Variants in CSF2RB observed in about 807,000 individuals in gnomAD.
The protein encoded by CSF2RB is cytokine receptor common subunit beta.
CSF2RB carries 22 observed loss-of-function variants against 67.2 expected under a neutral mutation model. That is an observed-to-expected ratio of 0.33 (90% confidence interval 0.23 to 0.47). The LOEUF (loss-of-function observed/expected upper bound fraction) is 0.47, where lower values mean the gene tolerates loss of function less well. Ranked by LOEUF, CSF2RB falls within the 20% of genes least tolerant of loss-of-function variation. The pLI is 1.00. For missense variants in CSF2RB, 1,113 were observed against 1,174.5 expected (o/e 0.95, Z 0.76); for synonymous variants, 507 against 482.9 (o/e 1.05, Z -0.65).
Position 36,935,606 on chromosome 22 carries a change from T to C in CSF2RB, c.1407-24T>C, listed in dbSNP as rs201502678. ...AGCTGGCCATGAGGTCTCTGATGGC[T>C]GTCACCTCCGTGGTGTCTTCCAGGC... On this transcript the variant is annotated intron_variant, in intron 11 of 13. Coordinates refer to ENST00000403662, the MANE Select transcript of CSF2RB (RefSeq NM_000395.3). The C allele has an allele frequency of 2.5e-6, 4 of 1,614,116 alleles. No homozygotes were observed. In the East Asian group the frequency reaches 6.7e-5, roughly 27 times the overall value.
intron 10 of CSF2RB, 70 bp downstream of exon 10, chr22:36,934,064 C>G: frequency 6.3e-7 from 1 of 1,584,356 alleles, no homozygotes; most frequent in East Asian, 2.3e-5. Flanking sequence ...CAGAAAATCC[C>G]CAATGCAGCA....
At position 36,938,157 on chromosome 22, in the gene CSF2RB, T is replaced by A. The variant is rs758860799; in HGVS notation, c.2349T>A (p.Asn783Lys). 11 of 1,613,800 alleles carry A rather than the reference T, an allele frequency of 6.8e-6. No individual in the cohort carries two copies. The East Asian group carries it at 2.5e-4, about 36-fold the overall frequency. Reference sequence around the variant, plus strand: ...GGTCCCCCAGGTCACCAAGGAACAATCCTGTCCCCCCTGAGGCCAAAAGCC... The same window carrying A: ...GGTCCCCCAGGTCACCAAGGAACAAACCTGTCCCCCCTGAGGCCAAAAGCC... ...EGRSPRSPRN[N>K]PVPPEAKSPV... Residue 783 changes from asparagine (N) to lysine (K), a missense_variant, in exon 14 of 14, where the codon AAT becomes AAA. By Grantham distance (94) the Asn-to-Lys change is moderately conservative. Around this residue, in one of 2 missense-constraint regions of CSF2RB, gnomAD observed 554 missense variants for 517.9 expected, o/e 1.07. Coordinates refer to ENST00000403662, the MANE Select transcript of CSF2RB (RefSeq NM_000395.3).
intron 12 of CSF2RB, 55 bp downstream of exon 12, chr22:36,935,742 G>T: frequency 6.4e-7 from 1 of 1,566,576 alleles, no homozygotes; most frequent in Non-Finnish European, 8.7e-7. Flanking sequence ...TGCCTCTCTT[G>T]TCTCTGTCCC....
At chr22:36,928,148 G>A (rs75793129) in intron 4 of CSF2RB, among the ~76,000 whole-genome samples, 70 of 152,290 alleles carry the variant, frequency 4.6e-4, no homozygotes, top group African/African-American at 1.7e-3. Flanking sequence ...GAGGTACTGG[G>A]CAGGCGACAG....
In CSF2RB at chr22:36,939,451, C is replaced by T. The variant is rs537419368; in HGVS notation, c.*949C>T. On this transcript the variant is annotated 3_prime_UTR_variant, in exon 14 of 14. Transcript: ENST00000403662. ...TTCCAGATAGACCAGGCAACTCTCC[C>T]TCCCACCGGCCACAGATGAGGGGCT... 1.6e-5 allele frequency: 9 copies of T among 559,086 alleles called. No individual in the cohort carries two copies. The Admixed American group carries it at 2.4e-4, about 15-fold the overall frequency. The allele number at this position is 559,086 out of a possible 1,614,324, so 34.6% of individuals were successfully genotyped here.
In CSF2RB at chr22:36,930,422, G is replaced by A. The variant is rs551025109; in HGVS notation, c.766G>A (p.Ala256Thr). 6.8e-6 allele frequency: 11 copies of A among 1,613,666 alleles called. No homozygotes were observed. The highest frequency in any genetic ancestry group is 4.5e-5 in the East Asian group (2 of 44,880). Residue 256 changes from alanine (A) to threonine (T), a missense_variant, in exon 7 of 14, where the codon GCC becomes ACC. Ala to Thr is a moderately conservative substitution (Grantham distance 58). Coordinates refer to ENST00000403662, the MANE Select transcript of CSF2RB (RefSeq NM_000395.3). ...QNLECFFDGA[A>T]VLSCSWEVRK... ...CCTGGAGTGCTTCTTTGACGGGGCCGCCGTGCTCAGCTGCTCCTGGGAGGT... is the reference window on the plus strand; with the variant it reads ...CCTGGAGTGCTTCTTTGACGGGGCCACCGTGCTCAGCTGCTCCTGGGAGGT...
At chr22:36,919,398 ATTG>A (rs942429591) in intron 1 of CSF2RB, among the ~76,000 whole-genome samples, 4 of 151,192 alleles carry the variant, frequency 2.6e-5, no homozygotes, top group African/African-American at 7.3e-5. Flanking sequence ...CCCACTATTG[ATTG>A]TTGTTGTTTT....
At position 36,926,032 on chromosome 22, in the gene CSF2RB, C is replaced by T. The variant is rs200960215; in HGVS notation, c.246C>T (p.Pro82=). 7.4e-6 allele frequency: 12 copies of T among 1,614,092 alleles called. No individual in the cohort carries two copies. The highest frequency in any genetic ancestry group is 4.0e-5 in the African/African-American group (3 of 74,930). The change falls in exon 4 of 14, where the codon CCC becomes CCT. Residue 82 remains proline, a synonymous_variant. Transcript: ENST00000403662. ...PVSCDLSDDM[P]WSACPHPRCV... ...CCTGTGACCTCAGTGATGACATGCCCTGGTCAGCCTGCCCCCATCCCCGCT... is the reference window on the plus strand; with the variant it reads ...CCTGTGACCTCAGTGATGACATGCCTTGGTCAGCCTGCCCCCATCCCCGCT...
chr22:36,922,525 G>A (rs184825297), intron 2 of CSF2RB: 27 of 591,470 alleles, frequency 4.6e-5, no homozygotes, highest in African/African-American at 2.0e-4. Context: ...TTCTCAGGGC[G>A]GCACTCCCGG....
chr22:36,935,395 A>G lies in CSF2RB; in HGVS notation c.1360A>G (p.Ile454Val). The change falls in exon 11 of 14, where the codon ATC becomes GTC. Residue 454 changes from isoleucine to valine, a missense_variant. Transcript: ENST00000403662. ...VLALIVIFLT[I>V]AVLLALRFCG... ...GGCCCTCATCGTGATCTTCCTCACC[A>G]TCGCTGTGCTCCTGGCCCTCCGCTT... is the stretch of plus-strand genomic sequence containing the variant. 1 of 1,614,122 alleles carries G rather than the reference A, an allele frequency of 6.2e-7. No homozygotes were observed. Among genetic ancestry groups the G allele is most frequent in the Non-Finnish European group, 8.5e-7 (1 of 1,180,016 alleles).
At chr22:36,924,464 T>A (rs1029501176) in intron 3 of CSF2RB, among the ~76,000 whole-genome samples, 1 of 152,018 alleles carries the variant, frequency 6.6e-6, no homozygotes, top group Non-Finnish European at 1.5e-5. Flanking sequence ...CAACCCCCTC[T>A]CAGATGCCCA....
At chr22:36,930,612 A>G (rs1038250280) in intron 7 of CSF2RB, 61 bp from the exon 8 acceptor site, 3 of 1,610,896 alleles carry the variant, frequency 1.9e-6, no homozygotes, top group Non-Finnish European at 2.5e-6. Flanking sequence ...GCCCACCCTA[A>G]GCTCTCCTCC....
intron 2 of CSF2RB, 139 bp from the exon 3 acceptor site, chr22:36,923,105 A>G (rs1225444410): frequency 5.6e-6 from 7 of 1,253,728 alleles, no homozygotes; most frequent in East Asian, 2.3e-5. Context: ...ACACATGTAC[A>G]TGTGCCTGGC....
chr22:36,913,776 G>T (rs535236300), intron 1 of CSF2RB, 99 bp downstream of exon 1: 199 of 153,252 alleles, frequency 1.3e-3, no homozygotes, highest in Non-Finnish European at 1.6e-3. Context: ...AGCCTGGGGG[G>T]CGTCCTGTGG....
At chr22:36,923,602 ACAATGGTGGTGGTGG>A (rs1487912236) in intron 3 of CSF2RB, among the ~76,000 whole-genome samples, 5 of 152,224 alleles carry the variant, frequency 3.3e-5, no homozygotes, top group Non-Finnish European at 7.3e-5. Context: ...GATGTTGGTG[ACAATGGTGGTGGTGG>A]CAATGGTGAA....
At chr22:36,928,135 T>C (rs1464724221) in intron 4 of CSF2RB, among the ~76,000 whole-genome samples, 1 of 152,128 alleles carries the variant, frequency 6.6e-6, no homozygotes, top group Admixed American at 6.5e-5. Context: ...TCAAGGATGC[T>C]GGGAGGTACT....
intron 10 of CSF2RB, among the ~76,000 whole-genome samples, chr22:36,935,064 A>G (rs1941238493): frequency 1.3e-5 from 2 of 152,128 alleles, no homozygotes; most frequent in Admixed American, 1.3e-4. Context: ...ATTGCCATGA[A>G]CAGTGGTTCT....
rs561632947 is a variant in CSF2RB at position 36,932,982 on chromosome 22, G to A, written c.1152+78G>A. 3,520 of 1,575,286 alleles carry A rather than the reference G, an allele frequency of 2.2e-3. 6 individuals carry two copies. Among genetic ancestry groups the A allele is most frequent in the Non-Finnish European group, 2.8e-3 (3,292 of 1,156,488 alleles). On this transcript the variant is annotated intron_variant, in intron 9 of 13. Transcript: ENST00000403662. ...GAAAGCAACCAGAGGCATTCCACCT[G>A]CAAGGCGTCGGGCCCTTGGCAGGTG...
intron 6 of CSF2RB, among the ~76,000 whole-genome samples, 165 bp from the exon 7 acceptor site, chr22:36,930,210 C>G (rs1941118175): frequency 6.6e-6 from 1 of 152,124 alleles, no homozygotes; most frequent in Non-Finnish European, 1.5e-5. Context: ...CTCTCTCTCT[C>G]GGAGCTGTTG....
Sources: gnomAD v4.1 joint callset for allele counts (sites outside exome capture counted in the v4.1 genomes callset) on GRCh38, gnomAD v4.1.1 for gene constraint, gnomAD v4.1.1 regional missense constraint, MANE v1.5 for transcripts, NCBI Gene and HGNC (gene_info 2026-07-23, HGNC 2026-07-21) for gene names.